Variants in KCNK5 observed in about 807,000 individuals in gnomAD.
KCNK5 encodes potassium channel subfamily K member 5.
KCNK5 carries 18 observed loss-of-function variants against 32.9 expected under a neutral mutation model. That is an observed-to-expected ratio of 0.55 (90% CI 0.38 to 0.81). The LOEUF is 0.81. Among genes scored for constraint, KCNK5 ranks in the 30% least tolerant of loss-of-function variants. The pLI is 0.00. For synonymous variants in KCNK5, 276 were observed against 275.3 expected (o/e 1.00, Z -0.03); for missense variants, 507 against 651.0 (o/e 0.78, Z 2.41).
chr6:39,191,776 G>A lies in KCNK5; in HGVS notation c.635-21C>T. ...CACACCTGAGCGGACAGGCAGTCCAGAGGTCAGGAAGAGTTAGCAGGGCCC... is the reference window on the plus strand; with the variant it reads ...CACACCTGAGCGGACAGGCAGTCCAAAGGTCAGGAAGAGTTAGCAGGGCCC... On this transcript the variant is annotated intron_variant, in intron 4 of 4. Transcript: ENST00000359534. This position sits in a 1 kb window ranked among gnomAD's most constrained non-coding sequence, Gnocchi z 5.8. 1 of 1,602,650 alleles carries A rather than the reference G, an allele frequency of 6.2e-7. No individual in the cohort carries two copies. The highest frequency in any genetic ancestry group is 8.5e-7 in the Non-Finnish European group (1 of 1,172,998).
chr6:39,194,688 G>A lies in KCNK5; in HGVS notation c.371C>T (p.Pro124Leu), dbSNP rs139530426. ...GGCACTGATCCACGTCAGGCAGAGC[G>A]GCACCCCGAAGAGACCATAGAAAAC... ...FCVFYGLFGVPLCLTWISALG... is the reference protein window; with the variant it reads ...FCVFYGLFGVLLCLTWISALG... Residue 124 changes from proline (P) to leucine (L), a missense_variant, in exon 3 of 5, where the codon CCG becomes CTG. Pro to Leu is a moderately conservative substitution (Grantham distance 98). Transcript: ENST00000359534. The surrounding 1 kb of genome is among the most constrained non-coding windows in gnomAD (Gnocchi z 4.7). 23 of 1,614,048 alleles carry A rather than the reference G, an allele frequency of 1.4e-5. No homozygotes were observed. The highest frequency in any genetic ancestry group is 5.0e-5 in the Admixed American group (3 of 60,006).
rs779600138 is a variant in KCNK5 at position 39,194,184 on chromosome 6, C to T, written c.619G>A (p.Gly207Ser). The change falls in exon 4 of 5, where the codon GGT becomes AGT. Residue 207 changes from glycine to serine, a missense_variant. Physicochemically the swap from Gly to Ser is moderately conservative, Grantham distance 56. This residue lies in a region of KCNK5 where 45 missense variants were observed against 107.6 expected (regional missense o/e 0.42). Coordinates refer to ENST00000359534, the MANE Select transcript of KCNK5 (RefSeq NM_003740.4). The surrounding 1 kb of genome is among the most constrained non-coding windows in gnomAD (Gnocchi z 4.7). ...SFITISTIGF[G>S]DFVAGVNPSA... is the part of the protein sequence containing the mutation. ...AGGGACTCACCGGCCACAAAGTCAC[C>T]GAAGCCGATGGTGGAGATGGTGATG... 5 of 1,613,948 alleles carry T rather than the reference C, an allele frequency of 3.1e-6. No individual in the cohort carries two copies. Among genetic ancestry groups the T allele is most frequent in the Non-Finnish European group, 4.2e-6 (5 of 1,180,004 alleles).
intron 1 of KCNK5, among the ~76,000 whole-genome samples, chr6:39,198,450 C>T (rs542553971): frequency 6.6e-6 from 1 of 152,158 alleles, no homozygotes; most frequent in Non-Finnish European, 1.5e-5. Flanking sequence ...TAACACATAG[C>T]AATGGCAGTA....
chr6:39,199,780 T>C (rs1483428752), intron 1 of KCNK5, among the ~76,000 whole-genome samples: 1 of 152,148 alleles, frequency 6.6e-6, no homozygotes, highest in Non-Finnish European at 1.5e-5. Flanking sequence ...TCCACCCAAG[T>C]GCTGGTGGAG....
Position 39,191,304 on chromosome 6 carries a change from C to CA in KCNK5, c.1085dup (p.Arg363GlufsTer12). On this transcript the variant is annotated frameshift_variant, in exon 5 of 5. Coordinates refer to ENST00000359534, the MANE Select transcript of KCNK5 (RefSeq NM_003740.4). LOFTEE classifies it low-confidence loss of function (END_TRUNC). This position sits in a 1 kb window ranked among gnomAD's most constrained non-coding sequence, Gnocchi z 5.8. ...ACCTTGATACGTGGCCTTTGCTCCT[C>CA]AGTGTCTGTGACACCTCTTCCAAGG... The CA allele has an allele frequency of 6.2e-7, 1 of 1,614,050 alleles. No homozygotes were observed. Among genetic ancestry groups the CA allele is most frequent in the Non-Finnish European group, 8.5e-7 (1 of 1,180,022 alleles).
intron 1 of KCNK5, among the ~76,000 whole-genome samples, chr6:39,218,316 G>A (rs1428147816): frequency 1.3e-5 from 2 of 152,082 alleles, no homozygotes; most frequent in African/African-American, 2.4e-5. Context: ...TGATCCACCC[G>A]CCTAGGCCTC....
At chr6:39,207,523 G>T (rs934334399) in intron 1 of KCNK5, among the ~76,000 whole-genome samples, 1 of 152,110 alleles carries the variant, frequency 6.6e-6, no homozygotes, top group South Asian at 2.1e-4. Context: ...AGGCCCCGGG[G>T]TCTCCTCCCT....
intron 1 of KCNK5, among the ~76,000 whole-genome samples, chr6:39,201,100 T>C (rs1189765934): frequency 1.3e-5 from 2 of 152,212 alleles, no homozygotes; most frequent in Admixed American, 1.3e-4. Flanking sequence ...TCTTTCTTGC[T>C]CTGCAGGATA....
intron 1 of KCNK5, among the ~76,000 whole-genome samples, chr6:39,210,526 C>A (rs1462504339): frequency 2.0e-5 from 3 of 152,222 alleles, no homozygotes; most frequent in Non-Finnish European, 4.4e-5. Context: ...GGGCAACCCA[C>A]CCAACCTATT....
At chr6:39,216,604 T>C (rs1322766317) in intron 1 of KCNK5, among the ~76,000 whole-genome samples, 1 of 152,194 alleles carries the variant, frequency 6.6e-6, no homozygotes, top group Non-Finnish European at 1.5e-5. Context: ...ACTAACTAGC[T>C]ATGTGACCTC....
At chr6:39,227,868 C>T (rs1344576227) in intron 1 of KCNK5, among the ~76,000 whole-genome samples, 1 of 152,152 alleles carries the variant, frequency 6.6e-6, no homozygotes, top group African/African-American at 2.4e-5. Context: ...ATCAGACCTC[C>T]TTTCTGGCAT....
At chr6:39,228,019 C>A (rs1335823920) in intron 1 of KCNK5, among the ~76,000 whole-genome samples, 1 of 152,104 alleles carries the variant, frequency 6.6e-6, no homozygotes, top group Non-Finnish European at 1.5e-5. Context: ...GCTGAGCCCT[C>A]GAGAAACTGG....
chr6:39,203,405 T>C lies in KCNK5; in HGVS notation c.187-7418A>G, dbSNP rs576275510. On this transcript the variant is annotated intron_variant, in intron 1 of 4. Transcript: ENST00000359534. ...CTCACCCCATCCCTCAGAGGCCCCA[T>C]CTCTCCTGGCCTCTGCCCCTCAGAG... Among the ~76,000 whole-genome samples the C allele has an allele frequency of 1.4e-4, 21 of 152,242 alleles. No homozygotes were observed. In the South Asian group the frequency reaches 3.9e-3, roughly 29 times the overall value.
In KCNK5 at chr6:39,194,416, G is replaced by A. The variant is rs1172048982; in HGVS notation, c.466-79C>T. On this transcript the variant is annotated intron_variant, in intron 3 of 4. Coordinates refer to ENST00000359534, the MANE Select transcript of KCNK5 (RefSeq NM_003740.4). This position sits in a 1 kb window ranked among gnomAD's most constrained non-coding sequence, Gnocchi z 4.7. ...CAAAGGCACCCAGAGGGCCAGGGAG[G>A]CAGCTAGAGGAGAAGCTAGCTGGGT... 1 of 1,502,474 alleles carries A rather than the reference G, an allele frequency of 6.7e-7. No homozygotes were observed. Among genetic ancestry groups the A allele is most frequent in the East Asian group, 2.3e-5 (1 of 44,150 alleles). 93.1% of individuals were successfully genotyped at this position (1,502,474 alleles called of 1,614,324 possible).
chr6:39,208,903 A>AAC (rs1182925820), intron 1 of KCNK5, among the ~76,000 whole-genome samples: 5 of 152,170 alleles, frequency 3.3e-5, no homozygotes, highest in African/African-American at 1.2e-4. Context: ...CAGCCTGACC[A>AAC]ACATGGTGAA....
chr6:39,207,124 C>T (rs953502561), intron 1 of KCNK5, among the ~76,000 whole-genome samples: 1 of 152,168 alleles, frequency 6.6e-6, no homozygotes, highest in Admixed American at 6.5e-5. Flanking sequence ...TTTGCAGGTG[C>T]CTTCCTGCAG....
intron 1 of KCNK5, among the ~76,000 whole-genome samples, chr6:39,204,404 T>C (rs574913022): frequency 6.6e-6 from 1 of 152,246 alleles, no homozygotes; most frequent in Non-Finnish European, 1.5e-5. Context: ...CTATGACTAC[T>C]GGAGTCCCCC....
Position 39,190,907 on chromosome 6 carries a change from T to C in KCNK5, c.1483A>G (p.Ser495Gly). The change falls in exon 5 of 5, where the codon AGC becomes GGC. Residue 495 changes from serine (S) to glycine (G), a missense_variant. By Grantham distance (56) the Ser-to-Gly change is moderately conservative (BLOSUM62 0). Coordinates refer to ENST00000359534, the MANE Select transcript of KCNK5 (RefSeq NM_003740.4). ...GCCCTGCCTCATGTGCCCTTGGGGC[T>C]GTTAGCCTTGTTGTACTCATTCATC... is the stretch of plus-strand genomic sequence containing the variant. ...QLMNEYNKAN[S>G]PKGT The C allele has an allele frequency of 6.8e-7, 1 of 1,473,138 alleles. No homozygotes were observed. The highest frequency in any genetic ancestry group is 1.5e-5 in the South Asian group (1 of 68,814). 91.3% of individuals were successfully genotyped at this position (1,473,138 alleles called of 1,614,324 possible).
At chr6:39,221,992 T>C (rs1235332694) in intron 1 of KCNK5, among the ~76,000 whole-genome samples, 2 of 152,214 alleles carry the variant, frequency 1.3e-5, no homozygotes, top group African/African-American at 2.4e-5. Flanking sequence ...ACAGAAAGGA[T>C]AGCCAGTAGG....
Sources: gnomAD v4.1 joint callset for allele counts (sites outside exome capture counted in the v4.1 genomes callset) on GRCh38, gnomAD v4.1.1 for gene constraint, gnomAD v4.1.1 regional missense constraint, Gnocchi (gnomAD v3.1) non-coding constraint, MANE v1.5 for transcripts, NCBI Gene and HGNC (gene_info 2026-07-23, HGNC 2026-07-21) for gene names.